The following SNX8 variants were observed in gnomAD, a reference collection of about 807,000 sequenced individuals.
SNX8 encodes sorting nexin 8, also known as sorting nexin-8.
A neutral mutation model predicts 51.6 loss-of-function variants in SNX8; 25 were observed. The observed-to-expected ratio is 0.48, with a 90% CI of 0.35 to 0.68. The LOEUF is 0.68. SNX8 is among the 30% of genes least tolerant of loss of function. The pLI, the probability that SNX8 is intolerant of heterozygous loss-of-function variation, is 0.00. For missense variants in SNX8, 695 were observed against 624.0 expected (o/e 1.11, Z -1.21); for synonymous variants, 324 against 277.0 (o/e 1.17, Z -1.68).
intron 1 of SNX8, chr7:2,288,298 C>T (rs532795591): frequency 8.8e-4 from 130 of 148,534 alleles, no homozygotes; most frequent in African/African-American, 3.3e-3. Flanking sequence ...TGCTGTGAGC[C>T]GAGATCGCAC....
At chr7:2,298,998 T>A (rs924711371) in intron 1 of SNX8, among the ~76,000 whole-genome samples, 1 of 151,912 alleles carries the variant, frequency 6.6e-6, no homozygotes, top group Non-Finnish European at 1.5e-5. Flanking sequence ...TGGTCTGAGC[T>A]TTTCTTTTTT....
intron 1 of SNX8, among the ~76,000 whole-genome samples, chr7:2,326,818 G>A (rs933019720): frequency 3.3e-5 from 5 of 150,292 alleles, no homozygotes; most frequent in Admixed American, 1.3e-4. Flanking sequence ...GAAAAGTATC[G>A]CCAGGGGCTG....
intron 7 of SNX8, among the ~76,000 whole-genome samples, chr7:2,262,550 A>G (rs1795362672): frequency 6.6e-6 from 1 of 152,046 alleles, no homozygotes; most frequent in Non-Finnish European, 1.5e-5. Flanking sequence ...TATTCTGATG[A>G]GTTAAGTCTC....
At chr7:2,258,482 A>G (rs1365055017) in intron 7 of SNX8, among the ~76,000 whole-genome samples, 1 of 150,788 alleles carries the variant, frequency 6.6e-6, no homozygotes, top group Non-Finnish European at 1.5e-5. Flanking sequence ...CCCGACCCCT[A>G]AGGCTCCATC....
At chr7:2,285,192 A>T (rs1795998522) in intron 1 of SNX8, among the ~76,000 whole-genome samples, 1 of 148,308 alleles carries the variant, frequency 6.7e-6, no homozygotes, top group African/African-American at 2.5e-5. Context: ...AGCCTGGGTG[A>T]CAGAGCAAGA....
In SNX8 at chr7:2,258,210, G is replaced by C. The variant is rs1010931560; in HGVS notation, c.916-407C>G. ...TATTTCTTTTTTTAGTAGAGACGGG[G>C]TTTCACCGTGTTAGCGAGGATGGTC... On this transcript the variant is annotated intron_variant, in intron 7 of 10. Transcript: ENST00000222990. Among the ~76,000 whole-genome samples, 4 of 152,004 alleles carry C rather than the reference G, an allele frequency of 2.6e-5. No homozygotes were observed. In the South Asian group the frequency reaches 8.3e-4, roughly 32 times the overall value.
chr7:2,303,560 C>A (rs577129621), intron 1 of SNX8, among the ~76,000 whole-genome samples: 189 of 152,312 alleles, frequency 1.2e-3, no homozygotes, highest in African/African-American at 4.2e-3. Flanking sequence ...GTTGCCGTGT[C>A]TGTGTAGAAA....
intron 1 of SNX8, among the ~76,000 whole-genome samples, chr7:2,285,129 G>A (rs974042491): frequency 3.3e-4 from 50 of 149,472 alleles, no homozygotes; most frequent in African/African-American, 1.2e-3. Context: ...GGAGAATGGC[G>A]TGAACCCGGG....
At chr7:2,334,903 G>C (rs1288939798) in intron 1 of SNX8, among the ~76,000 whole-genome samples, 2 of 128,542 alleles carry the variant, frequency 1.6e-5, no homozygotes, top group Admixed American at 1.7e-4. Context: ...AAAAAGACTT[G>C]TTCAAGTATT....
Position 2,349,027 on chromosome 7 carries a change from A to G in SNX8, c.-66+5195T>C, listed in dbSNP as rs116250260. On this transcript the variant is annotated intron_variant, in intron 1 of 5. Transcript: ENST00000435336. ...TACAACCAAAAAATCATGACTTTCA[A>G]TTTTTTTTTCTTTAAAAAAATTGTA... Among the ~76,000 whole-genome samples, 360 of 148,346 alleles carry G rather than the reference A, an allele frequency of 2.4e-3. 3 individuals are homozygous for G. Among genetic ancestry groups the G allele is most frequent in the African/African-American group, 8.5e-3 (341 of 40,352 alleles).
At chr7:2,312,754 G>T (rs1796682122) in intron 1 of SNX8, among the ~76,000 whole-genome samples, 1 of 148,374 alleles carries the variant, frequency 6.7e-6, no homozygotes, top group Non-Finnish European at 1.5e-5. Flanking sequence ...CCCCAATCTT[G>T]TCCCCCCCCA....
intron 1 of SNX8, among the ~76,000 whole-genome samples, chr7:2,322,015 G>A (rs561892700): frequency 4.6e-5 from 7 of 152,260 alleles, no homozygotes; most frequent in South Asian, 2.1e-4. Flanking sequence ...GAGCCACTGC[G>A]CCCGGCCTCG....
At chr7:2,352,917 T>C (rs1202189380) in intron 1 of SNX8, among the ~76,000 whole-genome samples, 2 of 152,108 alleles carry the variant, frequency 1.3e-5, no homozygotes, top group South Asian at 4.1e-4. Flanking sequence ...TGCCCAAAGA[T>C]ACACCACTGA....
At chr7:2,328,491 C>T (rs1336273409) in intron 1 of SNX8, among the ~76,000 whole-genome samples, 1 of 152,180 alleles carries the variant, frequency 6.6e-6, no homozygotes, top group Non-Finnish European at 1.5e-5. Flanking sequence ...CATGCCCAAC[C>T]ATTGAATGCT....
At chr7:2,326,872 G>A (rs760232902) in intron 1 of SNX8, among the ~76,000 whole-genome samples, 2 of 152,026 alleles carry the variant, frequency 1.3e-5, no homozygotes, top group Non-Finnish European at 2.9e-5. Flanking sequence ...TTGGGAGGCC[G>A]AGGCAGGCAG....
chr7:2,317,608 A>G (rs1053951330), upstream of SNX8, among the ~76,000 whole-genome samples: 1 of 151,874 alleles, frequency 6.6e-6, no homozygotes, highest in African/African-American at 2.4e-5. Context: ...ATGTCACACA[A>G]TGTCCGGGGA....
rs981572399 is a variant in SNX8, at chr7:2,301,801, C to T, written c.94+12527G>A. 1.1e-4 allele frequency among the ~76,000 whole-genome samples: 17 copies of T among 152,162 alleles called. No individual in the cohort carries two copies. In the South Asian group the frequency reaches 2.5e-3, roughly 22 times the overall value. On this transcript the variant is annotated intron_variant, in intron 1 of 10. Coordinates refer to ENST00000222990, the MANE Select transcript of SNX8 (RefSeq NM_013321.4). ...GCTATCCAGGCCCTGCCTCCAGCGT[C>T]GAGTTCTGTCTCCTAACTCATTACC... is the stretch of plus-strand genomic sequence containing the variant.
At chr7:2,276,198 C>T (rs529625443) in intron 2 of SNX8, among the ~76,000 whole-genome samples, 5 of 152,252 alleles carry the variant, frequency 3.3e-5, no homozygotes, top group East Asian at 1.9e-4. Flanking sequence ...TGGCAGGCAA[C>T]GGCACGTCTC....
upstream of SNX8, among the ~76,000 whole-genome samples, chr7:2,315,344 T>G (rs1274254584): frequency 1.4e-5 from 2 of 147,960 alleles, no homozygotes; most frequent in Non-Finnish European, 3.0e-5. Context: ...ACTCTCTGCA[T>G]CCTGCATTCA....
Sources: gnomAD v4.1 joint callset for allele counts (sites outside exome capture counted in the v4.1 genomes callset) on GRCh38, gnomAD v4.1.1 for gene constraint, MANE v1.5 for transcripts, NCBI Gene and HGNC (gene_info 2026-07-23, HGNC 2026-07-21) for gene names.